CDK14: variants seen among roughly 807,000 people sequenced by gnomAD.
CDK14 encodes the protein cyclin dependent kinase 14, also known as cyclin-dependent kinase 14.
In CDK14, 34 loss-of-function variants were observed where a neutral mutation model predicts 60.7. The observed-to-expected ratio is 0.56, with a 90% CI of 0.43 to 0.75. The LOEUF (loss-of-function observed/expected upper bound fraction) is 0.75, where lower values mean the gene tolerates loss of function less well. Among genes scored for constraint, CDK14 ranks in the 30% least tolerant of loss-of-function variants. The probability of loss-of-function intolerance (pLI) is 0.00; values close to 1 mark genes in which losing one functional copy is unlikely to be tolerated. For missense variants in CDK14, 482 were observed against 564.1 expected (o/e 0.85, Z 1.47); for synonymous variants, 197 against 203.7 (o/e 0.97, Z 0.28).
At chr7:91,143,861 G>T (rs1800541980) in intron 14 of CDK14, among the ~76,000 whole-genome samples, 1 of 152,144 alleles carries the variant, frequency 6.6e-6, no homozygotes, top group Non-Finnish European at 1.5e-5. Flanking sequence ...CCGTTTTGCA[G>T]AGGAGACTGA....
At chr7:90,772,732 A>G (rs986833542) in intron 4 of CDK14, among the ~76,000 whole-genome samples, 6 of 152,170 alleles carry the variant, frequency 3.9e-5, no homozygotes, top group African/African-American at 1.2e-4. Context: ...CTCTTTTCTT[A>G]TAAACAACCG....
intron 2 of CDK14, among the ~76,000 whole-genome samples, chr7:90,663,767 T>G (rs1203777329): frequency 6.6e-6 from 1 of 152,178 alleles, no homozygotes; most frequent in Non-Finnish European, 1.5e-5. Flanking sequence ...AAATAGGAAT[T>G]GCTTTGCAAA....
intron 11 of CDK14, among the ~76,000 whole-genome samples, chr7:91,062,347 C>T (rs535939765): frequency 6.6e-6 from 1 of 152,330 alleles, no homozygotes; most frequent in East Asian, 1.9e-4. Context: ...CTTGCACTTC[C>T]CGGGTGAGGT....
chr7:90,980,040 G>A (rs1473957372), intron 9 of CDK14, among the ~76,000 whole-genome samples: 1 of 151,930 alleles, frequency 6.6e-6, no homozygotes, highest in African/African-American at 2.4e-5. Flanking sequence ...AAGATTGTCT[G>A]TCTCTGCTTG....
At chr7:90,914,345 T>C (rs1294159258) in intron 7 of CDK14, among the ~76,000 whole-genome samples, 1 of 152,224 alleles carries the variant, frequency 6.6e-6, no homozygotes, top group Non-Finnish European at 1.5e-5. Flanking sequence ...TTCTGTGCTT[T>C]CAGTATGCTC....
rs756456134 is a variant in CDK14 at position 90,615,409 on chromosome 7, G to GT, written c.123+11161dup. Reference sequence around the variant, plus strand: ...TCATGTAAGATGTCTATAAAGTGTGGTATTTAGAATAAAACTATGATGTTT... The same window carrying GT: ...TCATGTAAGATGTCTATAAAGTGTGGTTATTTAGAATAAAACTATGATGTTT... On this transcript the variant is annotated intron_variant, in intron 2 of 14. Transcript: ENST00000380050. 1.4e-4 allele frequency among the ~76,000 whole-genome samples: 22 copies of GT among 152,278 alleles called. No homozygotes were observed. In the East Asian group the frequency reaches 3.7e-3, roughly 25 times the overall value.
rs865924285 is a variant in CDK14, at chr7:90,919,452, C to G, written c.826+1728C>G. Reference sequence around the variant, plus strand: ...AACTGACATTTTAAAATATCAGATTCAAAACCAAATTGAAATATAATTTTT... The same window carrying G: ...AACTGACATTTTAAAATATCAGATTGAAAACCAAATTGAAATATAATTTTT... On this transcript the variant is annotated intron_variant, in intron 8 of 14. Transcript: ENST00000380050. Among the ~76,000 whole-genome samples, 18 of 151,996 alleles carry G rather than the reference C, an allele frequency of 1.2e-4. No individual in the cohort carries two copies. In the South Asian group the frequency reaches 3.7e-3, roughly 32 times the overall value.
chr7:90,849,648 A>G (rs1790582444), intron 5 of CDK14, among the ~76,000 whole-genome samples: 1 of 151,992 alleles, frequency 6.6e-6, no homozygotes, highest in Admixed American at 6.5e-5. Flanking sequence ...CAGCCACATA[A>G]CTTTTACCAC....
chr7:90,852,251 G>T (rs1028268266), intron 5 of CDK14, among the ~76,000 whole-genome samples: 1 of 152,116 alleles, frequency 6.6e-6, no homozygotes, highest in Non-Finnish European at 1.5e-5. Context: ...GTATCAAGGA[G>T]ATTTAGGATG....
At chr7:90,704,472 G>A (rs373421663) in intron 2 of CDK14, among the ~76,000 whole-genome samples, 48 of 152,236 alleles carry the variant, frequency 3.2e-4, no homozygotes, top group African/African-American at 1.0e-3. Context: ...TATTAGAATT[G>A]TGTTGTTTTT....
At chr7:90,600,603 C>T (rs1799294913) in intron 1 of CDK14, among the ~76,000 whole-genome samples, 1 of 152,172 alleles carries the variant, frequency 6.6e-6, no homozygotes, top group Non-Finnish European at 1.5e-5. Flanking sequence ...TGTGCTGTAA[C>T]TGTGTAATTC....
At chr7:91,155,908 A>G (rs1257631333) in intron 14 of CDK14, among the ~76,000 whole-genome samples, 1 of 152,252 alleles carries the variant, frequency 6.6e-6, no homozygotes, top group Non-Finnish European at 1.5e-5. Context: ...TAAAAACAAA[A>G]TAAAACTAAG....
At chr7:90,808,005 TGAC>T (rs1180020237) in intron 5 of CDK14, among the ~76,000 whole-genome samples, 1 of 152,064 alleles carries the variant, frequency 6.6e-6, no homozygotes, top group African/African-American at 2.4e-5. Context: ...TACCTGAAAG[TGAC>T]GAGGAGAATG....
chr7:90,785,205 A>C (rs1011169380), intron 4 of CDK14, among the ~76,000 whole-genome samples: 1 of 152,200 alleles, frequency 6.6e-6, no homozygotes, highest in East Asian at 1.9e-4. Flanking sequence ...TATTGCTTTA[A>C]TTTCCTTCAT....
intron 8 of CDK14, among the ~76,000 whole-genome samples, chr7:90,949,493 CGCCCG>C (rs1584156919): frequency 6.6e-6 from 1 of 152,022 alleles, no homozygotes; most frequent in African/African-American, 2.4e-5. Flanking sequence ...TGAGCCACTG[CGCCCG>C]GCCAAATGAA....
chr7:90,796,679 C>G (rs1788446061), intron 5 of CDK14, among the ~76,000 whole-genome samples: 1 of 152,098 alleles, frequency 6.6e-6, no homozygotes. Context: ...GATCTTGTAC[C>G]TAGACCTTGT....
intron 8 of CDK14, among the ~76,000 whole-genome samples, chr7:90,925,649 G>T (rs1001198217): frequency 6.6e-6 from 1 of 152,138 alleles, no homozygotes; most frequent in Non-Finnish European, 1.5e-5. Flanking sequence ...ACTGCTTGAG[G>T]CTGGGAGTCC....
chr7:90,653,162 A>C (rs1375807393), intron 2 of CDK14, among the ~76,000 whole-genome samples: 1 of 151,988 alleles, frequency 6.6e-6, no homozygotes, highest in Non-Finnish European at 1.5e-5. Flanking sequence ...CCCCTTGATT[A>C]GGTGTACTTA....
At chr7:91,150,944 C>G (rs993068991) in intron 14 of CDK14, among the ~76,000 whole-genome samples, 3 of 151,994 alleles carry the variant, frequency 2.0e-5, no homozygotes, top group Admixed American at 6.6e-5. Flanking sequence ...TACAAGATTC[C>G]TATTTCTTAT....
Sources: allele counts gnomAD v4.1 joint callset (sites outside exome capture counted in the v4.1 genomes callset), GRCh38; gene constraint gnomAD v4.1.1; transcripts MANE v1.5; gene names NCBI Gene and HGNC (gene_info 2026-07-23, HGNC 2026-07-21).